The following RELN variants were observed in gnomAD, a reference collection of about 807,000 sequenced individuals.
RELN encodes reelin.
Under a neutral mutation model 427.6 loss-of-function variants are expected in RELN, and 108 were observed. The ratio of observed to expected loss-of-function variants is 0.25; its 90% CI spans 0.22 to 0.30. The LOEUF is 0.30. Among genes scored for constraint, RELN ranks in the 10% least tolerant of loss-of-function variants. RELN has a pLI of 1.00. For missense variants in RELN, 3,715 were observed against 4,302.8 expected, an observed-to-expected ratio of 0.86 and a Z score of 3.82; for synonymous variants, 1,524 against 1,513.4, an observed-to-expected ratio of 1.01 and a Z score of -0.16.
intron 2 of RELN, among the ~76,000 whole-genome samples, chr7:103,894,450 C>T (rs564067425): frequency 6.7e-4 from 102 of 152,228 alleles, no homozygotes; most frequent in Middle Eastern, 3.4e-3. Context: ...ACAGTACCCA[C>T]GCCTTCATTA....
At chr7:103,931,036 C>A (rs1330541067) in intron 1 of RELN, among the ~76,000 whole-genome samples, 3 of 152,102 alleles carry the variant, frequency 2.0e-5, no homozygotes, top group Non-Finnish European at 4.4e-5. Context: ...TGCTGCCCTT[C>A]CTGAGTCTTA....
chr7:103,982,493 A>T (rs1302206769), intron 1 of RELN, among the ~76,000 whole-genome samples: 1 of 152,166 alleles, frequency 6.6e-6, no homozygotes, highest in Non-Finnish European at 1.5e-5. Context: ...AATGGGGGAA[A>T]CCTGAAGGGA....
intron 47 of RELN, 91 bp from the exon 48 acceptor site, chr7:103,522,290 G>A (rs1322749458): frequency 7.9e-7 from 1 of 1,268,348 alleles, no homozygotes; most frequent in Admixed American, 1.9e-5. Flanking sequence ...TCTTTTCCTA[G>A]TCCAAGATGA....
rs140544311 is a variant in RELN at position 103,619,419 on chromosome 7, A to G, written c.2703-7616T>C. Among the ~76,000 whole-genome samples the G allele has an allele frequency of 2.2e-3, 335 of 152,148 alleles. 2 individuals carry two copies. The highest frequency in any genetic ancestry group is 7.4e-3 in the African/African-American group (307 of 41,502). ...CCCCTTCTGTTGAAGTCCAGATTCC[A>G]TTTTCAGCCCGGCCACTTGCCTGTG... On this transcript the variant is annotated intron_variant, in intron 20 of 64. Transcript: ENST00000428762.
intron 20 of RELN, among the ~76,000 whole-genome samples, chr7:103,616,336 G>A (rs1832078269): frequency 6.6e-6 from 1 of 152,120 alleles, no homozygotes; most frequent in Admixed American, 6.6e-5. Flanking sequence ...ACGCCTCTCT[G>A]ATATCATTCT....
intron 2 of RELN, among the ~76,000 whole-genome samples, chr7:103,882,853 G>C (rs1216182167): frequency 6.6e-6 from 1 of 152,172 alleles, no homozygotes; most frequent in African/African-American, 2.4e-5. Flanking sequence ...AATTCTACCA[G>C]AGGTATAAAG....
At chr7:103,788,273 C>T (rs1295938365) in intron 3 of RELN, among the ~76,000 whole-genome samples, 7 of 152,210 alleles carry the variant, frequency 4.6e-5, no homozygotes, top group Middle Eastern at 3.4e-3. Context: ...CTTTGAAAAT[C>T]GGCACAAGGC....
At chr7:103,959,118 T>G (rs903583230) in intron 1 of RELN, among the ~76,000 whole-genome samples, 1 of 150,348 alleles carries the variant, frequency 6.7e-6, no homozygotes, top group African/African-American at 2.5e-5. Flanking sequence ...AATTTTCGTA[T>G]TTTTAGTAGA....
At chr7:103,572,091 TATCA>T in intron 31 of RELN, 89 bp downstream of exon 31, 1 of 760,580 alleles carries the variant, frequency 1.3e-6, no homozygotes, top group Non-Finnish European at 2.4e-6. Flanking sequence ...CAGGGTAATG[TATCA>T]GTTTTCAAAA....
chr7:103,566,448 T>C (rs1364012536), intron 32 of RELN, 36 bp from the exon 33 acceptor site: 1 of 1,604,228 alleles, frequency 6.2e-7, no homozygotes, highest in Non-Finnish European at 8.5e-7. Flanking sequence ...TAGAGAAGTT[T>C]TGTTACATAG....
chr7:103,629,912 G>T (rs1253955408), intron 20 of RELN, 28 bp downstream of exon 20: 1 of 1,334,120 alleles, frequency 7.5e-7, no homozygotes, highest in Non-Finnish European at 1.1e-6. Flanking sequence ...AGTGCAAATT[G>T]TAACAATAAC....
At chr7:103,753,296 T>C in intron 4 of RELN, 82 bp from the exon 5 acceptor site, 2 of 1,454,330 alleles carry the variant, frequency 1.4e-6, no homozygotes, top group Admixed American at 1.7e-5. Context: ...AACACAGTTA[T>C]AAAACTTAAG....
At chr7:103,852,913 A>C (rs960785476) in intron 2 of RELN, among the ~76,000 whole-genome samples, 2 of 152,028 alleles carry the variant, frequency 1.3e-5, no homozygotes, top group African/African-American at 4.8e-5. Context: ...TGCCTAGACA[A>C]GACAAATAAC....
chr7:103,828,750 G>A (rs1031735709), intron 3 of RELN, among the ~76,000 whole-genome samples: 1 of 151,822 alleles, frequency 6.6e-6, no homozygotes, highest in African/African-American at 2.4e-5. Context: ...GAATTTTAAA[G>A]TGGCACCTCT....
intron 3 of RELN, among the ~76,000 whole-genome samples, chr7:103,782,733 T>C (rs528489216): frequency 1.5e-4 from 23 of 152,344 alleles, no homozygotes; most frequent in African/African-American, 4.8e-4. Flanking sequence ...TATTTTAATA[T>C]ACTTGCTATA....
chr7:103,882,074 A>G (rs2116563332), intron 2 of RELN, among the ~76,000 whole-genome samples: 2 of 152,324 alleles, frequency 1.3e-5, no homozygotes, highest in Middle Eastern at 6.8e-3. Flanking sequence ...TATTCTTTCT[A>G]CCTTATTTTA....
intron 2 of RELN, among the ~76,000 whole-genome samples, chr7:103,912,197 T>C (rs1795383612): frequency 6.7e-6 from 1 of 148,740 alleles, no homozygotes; most frequent in South Asian, 2.1e-4. Flanking sequence ...TTTGTCACTT[T>C]AAGCTTTTTT....
chr7:103,540,475 C>A lies in RELN; in HGVS notation c.6672-20G>T. ...ACAAATCTGACATTTGTAAACGTTA[C>A]TGAAGACTTTCACTTCCAAAAGAAA... On this transcript the variant is annotated intron_variant, in intron 43 of 64. Transcript: ENST00000428762. 6.2e-7 allele frequency: 1 copy of A among 1,612,400 alleles called. No individual in the cohort carries two copies. The highest frequency in any genetic ancestry group is 2.2e-5 in the East Asian group (1 of 44,878).
chr7:103,540,614 CTTT>C (rs1001140730), intron 43 of RELN, among the ~76,000 whole-genome samples, 159 bp from the exon 44 acceptor site: 1 of 152,112 alleles, frequency 6.6e-6, no homozygotes, highest in Non-Finnish European at 1.5e-5. Flanking sequence ...TCTGATTTCC[CTTT>C]TTAATCAGAA....
Sources: allele counts gnomAD v4.1 joint callset (sites outside exome capture counted in the v4.1 genomes callset), GRCh38; gene constraint gnomAD v4.1.1; transcripts MANE v1.5; gene names NCBI Gene and HGNC (gene_info 2026-07-23, HGNC 2026-07-21).